EVA1A: variants seen among roughly 807,000 people sequenced by gnomAD.
EVA1A encodes the protein protein eva-1 homolog A.
In EVA1A, 7 loss-of-function variants were observed where a neutral mutation model predicts 9.8. The observed-to-expected ratio is 0.71, with a 90% confidence interval of 0.41 to 1.34. The LOEUF (loss-of-function observed/expected upper bound fraction) is 1.34. Among genes scored for constraint, EVA1A ranks in the 40% most tolerant of loss-of-function variants. The pLI, the probability that EVA1A is intolerant of heterozygous loss-of-function variation, is 0.01. For synonymous variants in EVA1A, 90 were observed against 85.6 expected (o/e 1.05, Z -0.28); for missense variants, 206 against 205.9 (o/e 1.00, Z 0.00).
Position 75,493,402 on chromosome 2 carries a change from C to T in EVA1A, c.293G>A (p.Arg98Gln), listed in dbSNP as rs747726803. Residue 98 changes from arginine (R) to glutamine (Q), a missense_variant, in exon 4 of 4, where the codon CGG becomes CAG. Arg to Gln is a conservative substitution (Grantham distance 43). Coordinates refer to ENST00000393913, the MANE Select transcript of EVA1A (RefSeq NM_001135032.2). ...AGTCCTCTCGAAGCGGCGGTGTCTC[C>T]GCACGGAGAGATCGGACACGGTGTC... is the stretch of plus-strand genomic sequence containing the variant. ...SEDTVSDLSVRRHRRFERTLN... is the reference protein window; with the variant it reads ...SEDTVSDLSVQRHRRFERTLN... 5 of 1,614,264 alleles carry T rather than the reference C, an allele frequency of 3.1e-6. No individual in the cohort carries two copies. Among genetic ancestry groups the T allele is most frequent in the Middle Eastern group, 1.6e-4 (1 of 6,062 alleles).
At position 75,521,333 on chromosome 2, in the gene EVA1A, G is replaced by A. The variant is rs182349473; in HGVS notation, c.-69+1032C>T. The stretch of plus-strand genomic sequence containing the variant: ...GTATGACCCAGCCATTCCACCTCTG[G>A]GTATATACTGAAAGGATTTTAAAGC... On this transcript the variant is annotated intron_variant, in intron 2 of 3. Transcript: ENST00000393913. 5.7e-3 allele frequency among the ~76,000 whole-genome samples: 864 copies of A among 152,164 alleles called. 8 individuals carry two copies. Among genetic ancestry groups the A allele is most frequent in the Middle Eastern group, 0.014 (4 of 294 alleles).
intron 3 of EVA1A, among the ~76,000 whole-genome samples, chr2:75,508,324 T>G (rs1359684974): frequency 6.6e-6 from 1 of 152,104 alleles, no homozygotes; most frequent in Non-Finnish European, 1.5e-5. Flanking sequence ...CAAAAGCAAA[T>G]GGGAGAAATA....
intron 3 of EVA1A, among the ~76,000 whole-genome samples, chr2:75,508,559 C>T (rs528952430): frequency 3.4e-4 from 52 of 152,162 alleles, no homozygotes; most frequent in South Asian, 2.5e-3. Context: ...CAATGGTACC[C>T]GAAACTTCAT....
At chr2:75,567,574 T>A (rs1677050320) in intron 1 of EVA1A, among the ~76,000 whole-genome samples, 1 of 152,232 alleles carries the variant, frequency 6.6e-6, no homozygotes, top group Admixed American at 6.5e-5. Flanking sequence ...GAGTGTACAC[T>A]AACCAGAACA....
In EVA1A at chr2:75,493,343, GCTC is replaced by G; in HGVS notation, c.349_351del (p.Glu117del). On this transcript the variant is annotated inframe_deletion, in exon 4 of 4. Transcript: ENST00000393913. ...TCCTCCAGCCGCTGGGCGCGCTCCA[GCTC>G]CTCCGCAGAGGTGAACACATTCTTG... 6.2e-7 allele frequency: 1 copy of G among 1,614,188 alleles called. No individual in the cohort carries two copies. Among genetic ancestry groups the G allele is most frequent in the Non-Finnish European group, 8.5e-7 (1 of 1,180,024 alleles).
intron 3 of EVA1A, among the ~76,000 whole-genome samples, chr2:75,509,837 A>G (rs1674749384): frequency 6.6e-6 from 1 of 152,102 alleles, no homozygotes; most frequent in African/African-American, 2.4e-5. Context: ...AAGTTTACGT[A>G]TACTGATTTG....
intron 1 of EVA1A, among the ~76,000 whole-genome samples, chr2:75,548,077 A>T (rs1315630745): frequency 6.6e-6 from 1 of 152,230 alleles, no homozygotes; most frequent in Non-Finnish European, 1.5e-5. Flanking sequence ...CTTGCCTCTC[A>T]TAAAAAACCT....
intron 3 of EVA1A, among the ~76,000 whole-genome samples, chr2:75,493,823 C>T (rs905340275): frequency 1.3e-5 from 2 of 152,192 alleles, no homozygotes; most frequent in African/African-American, 4.8e-5. Flanking sequence ...TTTCACTCTT[C>T]TTGCAACTTT....
intron 2 of EVA1A, among the ~76,000 whole-genome samples, chr2:75,518,451 G>T (rs1000321131): frequency 7.2e-5 from 11 of 152,036 alleles, no homozygotes; most frequent in Admixed American, 3.9e-4. Context: ...AACTAGCCAG[G>T]CTCCTAAAGA....
At chr2:75,542,012 G>C (rs971118758) in intron 1 of EVA1A, 2 of 152,236 alleles carry the variant, frequency 1.3e-5, no homozygotes, top group Non-Finnish European at 2.9e-5. Flanking sequence ...CCTGGTGGGA[G>C]ATGATTGAAT....
chr2:75,511,888 T>G (rs1346758203), intron 3 of EVA1A, among the ~76,000 whole-genome samples: 1 of 151,914 alleles, frequency 6.6e-6, no homozygotes, highest in Non-Finnish European at 1.5e-5. Context: ...AAATATATAG[T>G]ATGGTGGATG....
rs2103754924 is a variant in EVA1A at position 75,492,424 on chromosome 2, A to AAC, written c.*811_*812insGT. 1 of 151,892 alleles carries AAC rather than the reference A, an allele frequency of 6.6e-6. No individual in the cohort carries two copies. Among genetic ancestry groups the AAC allele is most frequent in the East Asian group, 2.0e-4 (1 of 4,992 alleles). 9.4% of individuals were successfully genotyped at this position (151,892 alleles called of 1,614,324 possible). On this transcript the variant is annotated 3_prime_UTR_variant, in exon 4 of 4. Coordinates refer to ENST00000393913, the MANE Select transcript of EVA1A (RefSeq NM_001135032.2). The stretch of plus-strand genomic sequence containing the variant: ...TTGAAATCCAATTAAAAAAAAAAAA[A>AAC]AAAACAAAGTGTTTAAAATCACAAT...
At chr2:75,533,001 G>A (rs779573932) in intron 1 of EVA1A, among the ~76,000 whole-genome samples, 3 of 151,804 alleles carry the variant, frequency 2.0e-5, no homozygotes, top group Non-Finnish European at 4.4e-5. Context: ...AAATTAGCTG[G>A]GTATGGTGGC....
chr2:75,563,957 A>G (rs1676973463), upstream of EVA1A, among the ~76,000 whole-genome samples: 1 of 152,232 alleles, frequency 6.6e-6, no homozygotes, highest in East Asian at 1.9e-4. Context: ...CTAAGATGAG[A>G]GGGCCCATTG....
intron 3 of EVA1A, among the ~76,000 whole-genome samples, chr2:75,517,463 T>G (rs1031658785): frequency 2.6e-5 from 4 of 152,180 alleles, no homozygotes; most frequent in African/African-American, 9.7e-5. Flanking sequence ...TCCTTTTATA[T>G]GAACAACATC....
At chr2:75,497,209 C>G (rs1235509622) in intron 3 of EVA1A, among the ~76,000 whole-genome samples, 1 of 152,096 alleles carries the variant, frequency 6.6e-6, no homozygotes, top group Admixed American at 6.5e-5. Context: ...AACTAAAGAG[C>G]CTCTTCACAG....
intron 3 of EVA1A, among the ~76,000 whole-genome samples, chr2:75,511,966 T>C (rs1216776267): frequency 6.6e-6 from 1 of 152,046 alleles, no homozygotes; most frequent in African/African-American, 2.4e-5. Flanking sequence ...TGAATGTGTG[T>C]TTTGGGGAGA....
At chr2:75,568,174 C>A (rs1174191428) in intron 1 of EVA1A, among the ~76,000 whole-genome samples, 3 of 152,044 alleles carry the variant, frequency 2.0e-5, no homozygotes, top group Non-Finnish European at 4.4e-5. Flanking sequence ...CTTTCCTCCT[C>A]ATCCTTATTT....
intron 3 of EVA1A, among the ~76,000 whole-genome samples, chr2:75,510,364 A>G (rs924691901): frequency 1.3e-5 from 2 of 152,238 alleles, no homozygotes. Context: ...TGCCTTGGGC[A>G]TAGCTTAAAG....
Sources: allele counts gnomAD v4.1 joint callset (sites outside exome capture counted in the v4.1 genomes callset), GRCh38; gene constraint gnomAD v4.1.1; transcripts MANE v1.5; gene names NCBI Gene and HGNC (gene_info 2026-07-23, HGNC 2026-07-21).